Variants in DRC10 observed in about 807,000 individuals in gnomAD.
DRC10 encodes the protein dynein regulatory complex subunit 10.
At chr12:113,197,615 A>G in the DRC10 span, 2 of 1,514,668 alleles carry the variant, frequency 1.3e-6, no homozygotes, top group South Asian at 1.2e-5. Flanking sequence ...TATTTCTTCT[A>G]GAAAAGATCC....
the DRC10 span, among the ~76,000 whole-genome samples, chr12:113,210,503 T>C: frequency 6.6e-6 from 1 of 151,852 alleles, no homozygotes; most frequent in Non-Finnish European, 1.5e-5. Flanking sequence ...GGCTCACGCC[T>C]GTAATCCTAG....
the DRC10 span, among the ~76,000 whole-genome samples, chr12:113,212,783 T>C: frequency 1.3e-5 from 2 of 152,154 alleles, no homozygotes; most frequent in African/African-American, 4.8e-5. Flanking sequence ...TTTCCTTGAA[T>C]CCTAATATGA....
At chr12:113,197,676 T>G in the DRC10 span, 1 of 1,015,552 alleles carries the variant, frequency 9.8e-7, no homozygotes, top group Non-Finnish European at 1.5e-6. Flanking sequence ...CACTGAGCAC[T>G]CTCTGCATCA....
chr12:113,201,418 C>G, the DRC10 span, among the ~76,000 whole-genome samples: 1 of 152,166 alleles, frequency 6.6e-6, no homozygotes, highest in Non-Finnish European at 1.5e-5. Context: ...TTTCCTTGCA[C>G]GAGTGAAGGG....
chr12:113,210,184 C>CGATT, the DRC10 span, among the ~76,000 whole-genome samples: 3 of 152,102 alleles, frequency 2.0e-5, no homozygotes, highest in Admixed American at 6.6e-5. Flanking sequence ...ATCTATAGGG[C>CGATT]AATCAGAGAT....
chr12:113,207,451 T>G, the DRC10 span: 1 of 1,611,094 alleles, frequency 6.2e-7, no homozygotes, highest in East Asian at 2.2e-5. Context: ...TGCATTCCTG[T>G]TCTTCATTCT....
At chr12:113,219,374 G>T in the DRC10 span, among the ~76,000 whole-genome samples, 1 of 152,202 alleles carries the variant, frequency 6.6e-6, no homozygotes, top group South Asian at 2.1e-4. Context: ...CTATATTTCA[G>T]ATTGGTGGTA....
the DRC10 span, chr12:113,208,085 T>C: frequency 1.1e-5 from 18 of 1,614,228 alleles, no homozygotes; most frequent in Non-Finnish European, 1.5e-5. Context: ...GCTGGCCTTT[T>C]AGATGGGTCT....
the DRC10 span, among the ~76,000 whole-genome samples, chr12:113,204,456 C>T: frequency 5.9e-5 from 9 of 152,250 alleles, no homozygotes; most frequent in East Asian, 1.9e-4. Context: ...GCCCACAGGC[C>T]GAATCCAGCC....
At chr12:113,198,302 A>G in the DRC10 span, among the ~76,000 whole-genome samples, 2 of 152,208 alleles carry the variant, frequency 1.3e-5, no homozygotes, top group South Asian at 4.1e-4. Context: ...GTGGTCCCCA[A>G]CAAGGTCCAA....
the DRC10 span, among the ~76,000 whole-genome samples, chr12:113,213,188 A>C: frequency 1.3e-5 from 2 of 150,560 alleles, no homozygotes; most frequent in African/African-American, 4.9e-5. Context: ...AAAAAAAAAA[A>C]AAAAAAAAAA....
the DRC10 span, chr12:113,202,881 G>GGTGT: frequency 6.7e-6 from 2 of 297,306 alleles, no homozygotes; most frequent in Non-Finnish European, 1.4e-5. Flanking sequence ...AGCTATTTTG[G>GGTGT]GTGTCTCTGT....
chr12:113,209,891 C>T, the DRC10 span, among the ~76,000 whole-genome samples: 4 of 152,166 alleles, frequency 2.6e-5, no homozygotes, highest in Non-Finnish European at 5.9e-5. Flanking sequence ...TGTGGGAGGC[C>T]GAGGGAGGTG....
At chr12:113,207,975 C>A in the DRC10 span, 4 of 1,614,230 alleles carry the variant, frequency 2.5e-6, no homozygotes, top group Non-Finnish European at 1.7e-6. Context: ...AGGTCACCAG[C>A]TCCACCTTGT....
At chr12:113,210,067 C>A in the DRC10 span, among the ~76,000 whole-genome samples, 1 of 152,172 alleles carries the variant, frequency 6.6e-6, no homozygotes, top group Non-Finnish European at 1.5e-5. Flanking sequence ...ACCTAGGAGG[C>A]GGAGGTTGCA....
the DRC10 span, among the ~76,000 whole-genome samples, chr12:113,210,604 GAAAAA>G: frequency 2.4e-5 from 2 of 84,290 alleles, no homozygotes; most frequent in Non-Finnish European, 5.0e-5. Flanking sequence ...TCTTAAAAAA[GAAAAA>G]AAGAAAAAAA....
At chr12:113,208,231 G>A in the DRC10 span, 4,152 of 1,527,084 alleles carry the variant, frequency 2.7e-3, 68 homozygotes, top group East Asian at 0.053. Flanking sequence ...GACTACTTGG[G>A]TCTCGTGCTT....
At chr12:113,207,512 T>A in the DRC10 span, 1 of 1,613,920 alleles carries the variant, frequency 6.2e-7, no homozygotes, top group African/African-American at 1.3e-5. Flanking sequence ...TTATTACTAT[T>A]CTGTCTACTG....
At chr12:113,199,582 C>T in the DRC10 span, among the ~76,000 whole-genome samples, 1 of 152,048 alleles carries the variant, frequency 6.6e-6, no homozygotes, top group African/African-American at 2.4e-5. Context: ...CCATCAGATG[C>T]TCAAGAGTGT....
Sources: gnomAD v4.1 joint callset for allele counts (sites outside exome capture counted in the v4.1 genomes callset) on GRCh38, gnomAD v4.1.1 for gene constraint, MANE v1.5 for transcripts, NCBI Gene and HGNC (gene_info 2026-07-23, HGNC 2026-07-21) for gene names.